The following IL34 variants were observed in gnomAD, a reference collection of about 807,000 sequenced individuals.
IL34 encodes interleukin-34.
In IL34, 17 loss-of-function variants were observed where a neutral mutation model predicts 25.3. That is an observed-to-expected ratio of 0.67 (90% confidence interval 0.46 to 1.01). The LOEUF (loss-of-function observed/expected upper bound fraction) is 1.01, where lower values mean the gene tolerates loss of function less well. Among genes scored for constraint, IL34 ranks in the 50% least tolerant of loss-of-function variants. The pLI is 0.00. For missense variants in IL34, 368 were observed against 312.9 expected (o/e 1.18, Z -1.33); for synonymous variants, 174 against 140.9 (o/e 1.23, Z -1.66).
At position 70,646,871 on chromosome 16, in the gene IL34, G is replaced by T; in HGVS notation, c.-77G>T. 2 of 1,372,852 alleles carry T rather than the reference G, an allele frequency of 1.5e-6. No homozygotes were observed. The allele number at this position is 1,372,852 out of a possible 1,614,324, so 85.0% of individuals were successfully genotyped here. A position where few individuals can be genotyped will look rare whatever the true frequency, so the allele number is the denominator to read the frequency against. On this transcript the variant is annotated 5_prime_UTR_variant, in exon 1 of 6. It removes an upstream start codon present in the reference 5' UTR. Coordinates refer to ENST00000288098, the MANE Select transcript of IL34 (RefSeq NM_001393494.1). Reference sequence around the variant, plus strand: ...ACCACCTCTGCTGCCCCGAGGCCATGTAGGCCGTGCTTAGGCCTCTGTGGA... The same window carrying T: ...ACCACCTCTGCTGCCCCGAGGCCATTTAGGCCGTGCTTAGGCCTCTGTGGA...
intron 1 of IL34, among the ~76,000 whole-genome samples, chr16:70,638,204 C>T (rs959933398): frequency 2.0e-5 from 3 of 152,068 alleles, no homozygotes; most frequent in East Asian, 1.9e-4. Flanking sequence ...AGACTGGGCG[C>T]GATGGCTCAT....
chr16:70,600,379 C>G (rs1298152241), intron 1 of IL34, among the ~76,000 whole-genome samples: 2 of 152,252 alleles, frequency 1.3e-5, no homozygotes, highest in Middle Eastern at 3.4e-3. Context: ...CATCAACTAC[C>G]CTATGATTTC....
chr16:70,588,421 G>A (rs1336622850), intron 1 of IL34, among the ~76,000 whole-genome samples: 1 of 152,022 alleles, frequency 6.6e-6, no homozygotes, highest in Non-Finnish European at 1.5e-5. Flanking sequence ...TTGAACCTGG[G>A]AGGTGGAGGT....
chr16:70,643,278 G>A (rs1243494563), upstream of IL34, among the ~76,000 whole-genome samples: 1 of 152,188 alleles, frequency 6.6e-6, no homozygotes, highest in African/African-American at 2.4e-5. Flanking sequence ...TGGCCAGGCT[G>A]GTCTCGAATC....
intron 1 of IL34, among the ~76,000 whole-genome samples, chr16:70,590,921 C>T (rs777391264): frequency 1.3e-5 from 2 of 152,212 alleles, no homozygotes; most frequent in African/African-American, 4.8e-5. Flanking sequence ...GCTGTGCCCT[C>T]CCCGTCGTCA....
intron 1 of IL34, among the ~76,000 whole-genome samples, chr16:70,625,657 C>T (rs2051376307): frequency 6.6e-6 from 1 of 152,126 alleles, no homozygotes; most frequent in Admixed American, 6.5e-5. Flanking sequence ...AATGATTAAA[C>T]ACCAAGGGAA....
chr16:70,633,849 GTCTC>G (rs750427330), intron 1 of IL34, among the ~76,000 whole-genome samples: 179 of 151,792 alleles, frequency 1.2e-3, no homozygotes, highest in Middle Eastern at 0.01. Context: ...TTCTCCCTGA[GTCTC>G]TCTCTTTTTT....
intron 1 of IL34, among the ~76,000 whole-genome samples, chr16:70,627,002 G>A (rs906151151): frequency 6.6e-6 from 1 of 151,664 alleles, no homozygotes; most frequent in East Asian, 2.0e-4. Context: ...AAATATATAT[G>A]TTTCTTATAG....
chr16:70,588,828 T>C (rs1346331860), intron 1 of IL34, among the ~76,000 whole-genome samples: 2 of 152,150 alleles, frequency 1.3e-5, no homozygotes, highest in East Asian at 1.9e-4. Flanking sequence ...ATTCTACTTA[T>C]GTAACGGAGC....
At chr16:70,610,924 CT>C (rs756918391) in intron 1 of IL34, among the ~76,000 whole-genome samples, 1 of 152,044 alleles carries the variant, frequency 6.6e-6, no homozygotes, top group African/African-American at 2.4e-5. Flanking sequence ...TGCTTGCGTT[CT>C]TTCCCCCCCT....
chr16:70,619,618 C>T (rs1157305451), intron 1 of IL34, among the ~76,000 whole-genome samples: 2 of 151,338 alleles, frequency 1.3e-5, no homozygotes. Flanking sequence ...GGGTAGCCTC[C>T]GTATTGATTA....
intron 1 of IL34, among the ~76,000 whole-genome samples, chr16:70,608,040 T>A (rs2051033795): frequency 6.6e-6 from 1 of 152,130 alleles, no homozygotes; most frequent in Admixed American, 6.6e-5. Context: ...AGTGCTGGGA[T>A]TACAGGCGTG....
chr16:70,602,713 T>A (rs4265798), intron 1 of IL34, among the ~76,000 whole-genome samples: 144,858 of 151,806 alleles, frequency 0.95, 69,193 homozygotes, highest in East Asian at 1. Context: ...TAACTAATTA[T>A]TTAATTTTTA....
At chr16:70,597,171 G>A (rs2050835177) in intron 1 of IL34, among the ~76,000 whole-genome samples, 1 of 151,850 alleles carries the variant, frequency 6.6e-6, no homozygotes, top group African/African-American at 2.4e-5. Flanking sequence ...TTTCCTAGGG[G>A]CCCATCTCCT....
At chr16:70,605,804 G>A (rs748520988) in intron 1 of IL34, among the ~76,000 whole-genome samples, 6 of 151,720 alleles carry the variant, frequency 4.0e-5, no homozygotes, top group East Asian at 3.9e-4. Flanking sequence ...CTGAGTAGCC[G>A]GGATTACAGG....
At chr16:70,606,374 G>A (rs1484419343) in intron 1 of IL34, among the ~76,000 whole-genome samples, 1 of 152,050 alleles carries the variant, frequency 6.6e-6, no homozygotes, top group Non-Finnish European at 1.5e-5. Context: ...CTCCAGCCTG[G>A]GCAACAGAGC....
intron 1 of IL34, among the ~76,000 whole-genome samples, chr16:70,599,015 T>C (rs1442564417): frequency 6.6e-6 from 1 of 152,182 alleles, no homozygotes; most frequent in Non-Finnish European, 1.5e-5. Flanking sequence ...TCACTAACCT[T>C]GTAAGATGTT....
chr16:70,638,836 C>A (rs1458338763), intron 1 of IL34, among the ~76,000 whole-genome samples: 1 of 152,158 alleles, frequency 6.6e-6, no homozygotes, highest in Admixed American at 6.5e-5. Context: ...CTTGCCTCAG[C>A]CTCCGAAAAT....
chr16:70,646,933 A>T lies in IL34; in HGVS notation c.-15A>T. The T allele has an allele frequency of 6.8e-7, 1 of 1,478,498 alleles. No homozygotes were observed. Among genetic ancestry groups the T allele is most frequent in the Non-Finnish European group, 8.9e-7 (1 of 1,119,814 alleles). 91.6% of individuals were successfully genotyped at this position (1,478,498 alleles called of 1,614,324 possible). On this transcript the variant is annotated 5_prime_UTR_variant, in exon 1 of 6. Transcript: ENST00000288098. ...GGACGGCGCCTGAGCTCTCAGGGGGACGAGGAACACCACCATGCCCCGGGG... is the reference window on the plus strand; with the variant it reads ...GGACGGCGCCTGAGCTCTCAGGGGGTCGAGGAACACCACCATGCCCCGGGG...
Sources: gnomAD v4.1 joint callset for allele counts (sites outside exome capture counted in the v4.1 genomes callset) on GRCh38, gnomAD v4.1.1 for gene constraint, MANE v1.5 for transcripts, NCBI Gene and HGNC (gene_info 2026-07-23, HGNC 2026-07-21) for gene names.